FAM149A: variants seen among roughly 807,000 people sequenced by gnomAD.
FAM149A encodes the protein family with sequence similarity 149 member A.
FAM149A carries 71 observed loss-of-function variants against 78.2 expected under a neutral mutation model. The observed-to-expected ratio is 0.91, with a 90% CI of 0.75 to 1.11. FAM149A has a LOEUF of 1.11. Ranked by LOEUF, FAM149A falls within the 50% of genes least tolerant of loss-of-function variation. The probability of loss-of-function intolerance (pLI) is 0.00; values close to 1 mark genes in which losing one functional copy is unlikely to be tolerated. For missense variants in FAM149A, 1,036 were observed against 971.0 expected (o/e 1.07, Z -0.89); for synonymous variants, 446 against 410.5 (o/e 1.09, Z -1.04).
chr4:186,137,202 C>G (rs2099323750), intron 1 of FAM149A, among the ~76,000 whole-genome samples: 1 of 151,694 alleles, frequency 6.6e-6, no homozygotes, highest in Non-Finnish European at 1.5e-5. Flanking sequence ...CTGGACTGAT[C>G]TGGATAAAGC....
At chr4:186,127,266 T>A in intron 1 of FAM149A, 3 of 975,804 alleles carry the variant, frequency 3.1e-6, no homozygotes, top group Non-Finnish European at 3.7e-6. Context: ...ACTCAGAGCT[T>A]CGGTTTCTTC....
At chr4:186,159,409 A>G (rs375535391) in intron 8 of FAM149A, among the ~76,000 whole-genome samples, 2 of 152,222 alleles carry the variant, frequency 1.3e-5, no homozygotes, top group East Asian at 1.9e-4. Flanking sequence ...ATTTCAGGCC[A>G]AGCAAAGGCG....
At chr4:186,136,812 A>G (rs1479743248) in intron 1 of FAM149A, among the ~76,000 whole-genome samples, 3 of 152,324 alleles carry the variant, frequency 2.0e-5, no homozygotes, top group Non-Finnish European at 1.5e-5. Context: ...GGCTGCCCAC[A>G]GCCTAAGAAG....
At chr4:186,106,323 A>G (rs2099308748) in intron 1 of FAM149A, among the ~76,000 whole-genome samples, 1 of 152,100 alleles carries the variant, frequency 6.6e-6, no homozygotes, top group Non-Finnish European at 1.5e-5. Context: ...CACCCACACA[A>G]CACCCCTTTC....
At position 186,164,848 on chromosome 4, in the gene FAM149A, A is replaced by G. The variant is rs1370460320; in HGVS notation, c.1890-496A>G. Among the ~76,000 whole-genome samples the G allele has an allele frequency of 6.6e-6, 1 of 151,692 alleles. No individual in the cohort carries two copies. The highest frequency in any genetic ancestry group is 1.5e-5 in the Non-Finnish European group (1 of 67,934). On this transcript the variant is annotated intron_variant, in intron 10 of 13. Coordinates refer to ENST00000389354, the MANE Select transcript of FAM149A (RefSeq NM_001367768.3). The surrounding 1 kb of genome is among the most constrained non-coding windows in gnomAD (Gnocchi z 4.0). ...CTGATTTTTCAGCTTTCTTTTTATTATTGCCACCCTGAGGAGCCCTTTTCG... is the reference window on the plus strand; with the variant it reads ...CTGATTTTTCAGCTTTCTTTTTATTGTTGCCACCCTGAGGAGCCCTTTTCG...
chr4:186,124,674 T>C (rs537634030), intron 1 of FAM149A, among the ~76,000 whole-genome samples: 2 of 151,928 alleles, frequency 1.3e-5, no homozygotes, highest in South Asian at 4.1e-4. Flanking sequence ...TGTTGCACAT[T>C]TGGGTTGGTT....
At position 186,169,703 on chromosome 4, in the gene FAM149A, G is replaced by A. The variant is rs577038165; in HGVS notation, c.2219-2211G>A. ...ACTGCTTTCTGGAAGAGGAGGTGGG[G>A]GTAGAGCTGGTATCGGGGGACTGCA... On this transcript the variant is annotated intron_variant, in intron 13 of 13. Transcript: ENST00000389354. The A allele has an allele frequency of 9.5e-5, 94 of 985,386 alleles. No homozygotes were observed. The African/African-American group carries it at 1.6e-3, about 16-fold the overall frequency. 61.0% of individuals were successfully genotyped at this position (985,386 alleles called of 1,614,324 possible).
intron 1 of FAM149A, among the ~76,000 whole-genome samples, chr4:186,136,823 G>T (rs958393115): frequency 6.6e-6 from 1 of 152,178 alleles, no homozygotes; most frequent in African/African-American, 2.4e-5. Context: ...GCCTAAGAAG[G>T]TGGCTCTGCC....
chr4:186,167,488 C>A, intron 13 of FAM149A: 1 of 563,800 alleles, frequency 1.8e-6, no homozygotes, highest in Non-Finnish European at 3.2e-6. Context: ...TCCAAAAGCT[C>A]TCAATGAACT....
intron 1 of FAM149A, among the ~76,000 whole-genome samples, chr4:186,147,580 A>G (rs1375157609): frequency 2.0e-5 from 3 of 152,232 alleles, no homozygotes; most frequent in Non-Finnish European, 4.4e-5. Flanking sequence ...ATGTATCACA[A>G]AAGAACAATG....
intron 1 of FAM149A, among the ~76,000 whole-genome samples, chr4:186,118,744 T>C (rs901263352): frequency 5.3e-5 from 8 of 152,182 alleles, no homozygotes; most frequent in Non-Finnish European, 1.0e-4. Context: ...TTTAAATTGT[T>C]CAGACGATCT....
At chr4:186,160,535 CCA>C (rs1361510113) in intron 8 of FAM149A, among the ~76,000 whole-genome samples, 4 of 149,396 alleles carry the variant, frequency 2.7e-5, no homozygotes, top group Non-Finnish European at 5.9e-5. Flanking sequence ...ACACTACACA[CCA>C]CACGCACACC....
Position 186,162,833 on chromosome 4 carries a change from T to A in FAM149A, c.1576-12T>A, listed in dbSNP as rs938163387. 2.7e-5 allele frequency: 22 copies of A among 824,712 alleles called. No homozygotes were observed. The highest frequency in any genetic ancestry group is 6.3e-5 in the South Asian group (4 of 63,362). 51.1% of individuals were successfully genotyped at this position (824,712 alleles called of 1,614,324 possible). ...TTCTTTTTTTTTTTTTTTTTTTTTT[T>A]ACTGTTCTCAGATTCATCACTTCTC... On this transcript the variant is annotated splice_polypyrimidine_tract_variant and intron_variant, in intron 8 of 13. Coordinates refer to ENST00000389354, the MANE Select transcript of FAM149A (RefSeq NM_001367768.3).
At position 186,154,359 on chromosome 4, in the gene FAM149A, G is replaced by T. The variant is rs574807448; in HGVS notation, c.1059-109G>T. ...ATGTAATATTCAACCGTTTTGGGAGGGGGGGATTCTGTACTTTACAGATAA... is the reference window on the plus strand; with the variant it reads ...ATGTAATATTCAACCGTTTTGGGAGTGGGGGATTCTGTACTTTACAGATAA... On this transcript the variant is annotated intron_variant, in intron 5 of 13. Transcript: ENST00000389354. 3.5e-6 allele frequency: 3 copies of T among 866,830 alleles called. No individual in the cohort carries two copies. The African/African-American group carries it at 5.1e-5, about 15-fold the overall frequency. The allele number at this position is 866,830 out of a possible 1,614,324, so 53.7% of individuals were successfully genotyped here. A position where few individuals can be genotyped will look rare whatever the true frequency, so the allele number is the denominator to read the frequency against.
intron 3 of FAM149A, among the ~76,000 whole-genome samples, chr4:186,150,018 G>A (rs1201027938): frequency 6.6e-6 from 1 of 152,170 alleles, no homozygotes; most frequent in Non-Finnish European, 1.5e-5. Context: ...CGGAAATTCA[G>A]GACTTGAATA....
In FAM149A at chr4:186,172,241, T is replaced by G. The variant is rs1196251397; in HGVS notation, c.*254T>G. ...AGGCTTTGTTCAGAAGCCCCTGATGTGTGTTTGCAGTCCGTCATTTTATCA... is the reference window on the plus strand; with the variant it reads ...AGGCTTTGTTCAGAAGCCCCTGATGGGTGTTTGCAGTCCGTCATTTTATCA... On this transcript the variant is annotated 3_prime_UTR_variant, in exon 14 of 14. Coordinates refer to ENST00000389354, the MANE Select transcript of FAM149A (RefSeq NM_001367768.3). 1 of 409,842 alleles carries G rather than the reference T, an allele frequency of 2.4e-6. No homozygotes were observed. Among genetic ancestry groups the G allele is most frequent in the African/African-American group, 2.1e-5 (1 of 48,568 alleles). The allele number at this position is 409,842 out of a possible 1,614,324, so 25.4% of individuals were successfully genotyped here. A position where few individuals can be genotyped will look rare whatever the true frequency, so the allele number is the denominator to read the frequency against.
Position 186,105,237 on chromosome 4 carries a change from T to A in FAM149A, c.161T>A (p.Leu54His). Residue 54 changes from leucine (L) to histidine (H), a missense_variant, in exon 1 of 14, where the codon CTC becomes CAC. Physicochemically the swap from Leu to His is moderately conservative, Grantham distance 99. This residue lies in a region of FAM149A where 316 missense variants were observed against 241.9 expected (regional missense o/e 1.31). Coordinates refer to ENST00000389354, the MANE Select transcript of FAM149A (RefSeq NM_001367768.3). ...ACCCCGTTGGGTACCGCCCCGACCCTCCTCCGCGCCCTGGCTCCGGACTCC... is the reference window on the plus strand; with the variant it reads ...ACCCCGTTGGGTACCGCCCCGACCCACCTCCGCGCCCTGGCTCCGGACTCC... The A allele has an allele frequency of 8.1e-7, 1 of 1,239,258 alleles. No individual in the cohort carries two copies. The highest frequency in any genetic ancestry group is 7.8e-5 in the East Asian group (1 of 12,872). 76.8% of individuals were successfully genotyped at this position (1,239,258 alleles called of 1,614,324 possible).
intron 9 of FAM149A, 77 bp from the exon 10 acceptor site, chr4:186,163,347 T>C: frequency 8.4e-7 from 1 of 1,186,360 alleles, no homozygotes; most frequent in Non-Finnish European, 1.3e-6. Context: ...TAGGCAGTGC[T>C]CAACTAAGCA....
intron 1 of FAM149A, chr4:186,125,624 T>A: frequency 4.8e-6 from 4 of 826,042 alleles, no homozygotes; most frequent in Non-Finnish European, 5.8e-6. Flanking sequence ...AGGCTTGTTG[T>A]CAGGTTTAAG....
Sources: gnomAD v4.1 joint callset for allele counts (sites outside exome capture counted in the v4.1 genomes callset) on GRCh38, gnomAD v4.1.1 for gene constraint, gnomAD v4.1.1 regional missense constraint, Gnocchi (gnomAD v3.1) non-coding constraint, MANE v1.5 for transcripts, NCBI Gene and HGNC (gene_info 2026-07-23, HGNC 2026-07-21) for gene names.